Variants in ARHGAP26 observed in about 807,000 individuals in gnomAD.
The protein encoded by ARHGAP26 is rho GTPase-activating protein 26.
A neutral mutation model predicts 104.8 loss-of-function variants in ARHGAP26; 38 were observed. That is an observed-to-expected ratio of 0.36 (90% CI 0.28 to 0.48). The LOEUF (loss-of-function observed/expected upper bound fraction) is 0.48. Among genes scored for constraint, ARHGAP26 ranks in the 20% least tolerant of loss-of-function variants. The pLI is 0.99. For missense variants in ARHGAP26, 704 were observed against 947.9 expected, an observed-to-expected ratio of 0.74 and a Z score of 3.38; for synonymous variants, 341 against 340.0, an observed-to-expected ratio of 1.00 and a Z score of -0.03.
rs760283585 is a variant in ARHGAP26 at position 143,216,354 on chromosome 5, C to T, written c.2191+2266C>T. The T allele has an allele frequency of 4.1e-5, 19 of 465,632 alleles. No individual in the cohort carries two copies. The East Asian group carries it at 4.9e-4, about 12-fold the overall frequency. 28.8% of individuals were successfully genotyped at this position (465,632 alleles called of 1,614,324 possible). A position where few individuals can be genotyped will look rare whatever the true frequency, so the allele number is the denominator to read the frequency against. On this transcript the variant is annotated intron_variant, in intron 22 of 22. Transcript: ENST00000645722. ...AGCAGCGAGAGTGATCTTTGAAAAACGGAAATGGCATTAAAGCCCTTCAGT... is the reference window on the plus strand; with the variant it reads ...AGCAGCGAGAGTGATCTTTGAAAAATGGAAATGGCATTAAAGCCCTTCAGT...
chr5:142,789,489 A>G (rs1759353737), intron 1 of ARHGAP26, among the ~76,000 whole-genome samples: 1 of 152,212 alleles, frequency 6.6e-6, no homozygotes, highest in Non-Finnish European at 1.5e-5. Flanking sequence ...AAAAATCATT[A>G]TAAAAGCAAC....
chr5:142,782,515 C>T (rs1209413185), intron 1 of ARHGAP26, among the ~76,000 whole-genome samples: 1 of 152,136 alleles, frequency 6.6e-6, no homozygotes, highest in Non-Finnish European at 1.5e-5. Context: ...CCAGGTGATT[C>T]TAATGTGCAG....
intron 13 of ARHGAP26, among the ~76,000 whole-genome samples, chr5:143,039,508 A>G (rs1291238333): frequency 6.6e-6 from 1 of 150,444 alleles, no homozygotes; most frequent in African/African-American, 2.4e-5. Flanking sequence ...TGCACGGTCT[A>G]ACTTTCAACA....
chr5:142,857,468 A>G (rs531391601), intron 1 of ARHGAP26, among the ~76,000 whole-genome samples: 1 of 152,260 alleles, frequency 6.6e-6, no homozygotes, highest in South Asian at 2.1e-4. Context: ...CAGGTGCCCA[A>G]GAGAAGCTGT....
chr5:143,204,620 A>T (rs1483646809), intron 20 of ARHGAP26, among the ~76,000 whole-genome samples: 1 of 151,988 alleles, frequency 6.6e-6, no homozygotes, highest in Non-Finnish European at 1.5e-5. Context: ...TTCCAGCCGC[A>T]CCCCCAGATA....
At chr5:142,955,129 C>A (rs1769035858) in intron 11 of ARHGAP26, among the ~76,000 whole-genome samples, 1 of 151,552 alleles carries the variant, frequency 6.6e-6, no homozygotes, top group Admixed American at 6.6e-5. Context: ...CACACACCCC[C>A]CATCTCTGCA....
intron 1 of ARHGAP26, among the ~76,000 whole-genome samples, chr5:142,834,190 G>A (rs1022794413): frequency 3.3e-4 from 51 of 152,316 alleles, no homozygotes; most frequent in African/African-American, 1.1e-3. Flanking sequence ...ATCCAGAAAA[G>A]TACACAGCTC....
At position 143,054,559 on chromosome 5, in the gene ARHGAP26, A is replaced by G. The variant is rs776751008; in HGVS notation, c.1373+33A>G. ...CTTTCCATTTGCAAGGCAGAGTGCC[A>G]GCTAGTTATCATGCAATCAGGAAGA... On this transcript the variant is annotated intron_variant, in intron 15 of 22. Transcript: ENST00000645722. The G allele has an allele frequency of 2.6e-5, 38 of 1,475,730 alleles. No homozygotes were observed. The South Asian group carries it at 4.4e-4, about 17-fold the overall frequency. 91.4% of individuals were successfully genotyped at this position (1,475,730 alleles called of 1,614,324 possible). A position where few individuals can be genotyped will look rare whatever the true frequency, so the allele number is the denominator to read the frequency against.
At chr5:142,816,611 G>A (rs1765181463) in intron 1 of ARHGAP26, among the ~76,000 whole-genome samples, 1 of 152,258 alleles carries the variant, frequency 6.6e-6, no homozygotes, top group Admixed American at 6.5e-5. Context: ...AAAGAACTGT[G>A]TGAGCAAAGG....
chr5:142,829,448 C>G (rs563282509), intron 1 of ARHGAP26, among the ~76,000 whole-genome samples: 2 of 152,188 alleles, frequency 1.3e-5, no homozygotes, highest in Non-Finnish European at 2.9e-5. Context: ...CTTTTCCACC[C>G]AAATTAGCAA....
chr5:143,051,741 G>T (rs532221917), intron 14 of ARHGAP26, among the ~76,000 whole-genome samples: 2 of 152,152 alleles, frequency 1.3e-5, no homozygotes, highest in Admixed American at 6.5e-5. Flanking sequence ...CTAATGTTAC[G>T]CAATATTCCT....
chr5:143,150,524 T>A (rs1288412679), intron 20 of ARHGAP26, among the ~76,000 whole-genome samples: 1 of 152,096 alleles, frequency 6.6e-6, no homozygotes, highest in African/African-American at 2.4e-5. Context: ...ATGAAGAGCA[T>A]TCCAGGTAAG....
chr5:142,971,487 G>A (rs774805886), intron 11 of ARHGAP26, among the ~76,000 whole-genome samples: 1 of 152,120 alleles, frequency 6.6e-6, no homozygotes, highest in Non-Finnish European at 1.5e-5. Context: ...AGGCCCCAGG[G>A]TATCACTAAT....
intron 12 of ARHGAP26, among the ~76,000 whole-genome samples, 161 bp from the exon 13 acceptor site, chr5:143,037,035 C>CTAT (rs767447300): frequency 1.4e-4 from 21 of 151,932 alleles, no homozygotes; most frequent in African/African-American, 3.4e-4. Flanking sequence ...TCAATGCCAG[C>CTAT]TATTATTATT....
chr5:142,787,256 A>G (rs1288427813), intron 1 of ARHGAP26, among the ~76,000 whole-genome samples: 1 of 152,176 alleles, frequency 6.6e-6, no homozygotes, highest in African/African-American at 2.4e-5. Context: ...TTGGGGTGGG[A>G]GAGTGCCATT....
chr5:143,062,604 A>G (rs925335320), intron 17 of ARHGAP26, among the ~76,000 whole-genome samples: 1 of 145,452 alleles, frequency 6.9e-6, no homozygotes, highest in East Asian at 2.0e-4. Context: ...ATGTATTCAT[A>G]TTTCTTTAAT....
At chr5:143,158,091 T>G (rs1016742486) in intron 20 of ARHGAP26, among the ~76,000 whole-genome samples, 10 of 152,206 alleles carry the variant, frequency 6.6e-5, no homozygotes, top group African/African-American at 2.4e-4. Flanking sequence ...CTACTATTAT[T>G]TTTATTCCTT....
At chr5:143,103,217 A>C (rs1793508032) in intron 17 of ARHGAP26, 4 of 984,850 alleles carry the variant, frequency 4.1e-6, no homozygotes, top group Admixed American at 6.2e-5. Flanking sequence ...CTTAAAAGTC[A>C]CTGGATCAGT....
intron 1 of ARHGAP26, among the ~76,000 whole-genome samples, chr5:142,850,954 C>A (rs567513735): frequency 6.6e-6 from 1 of 152,238 alleles, no homozygotes; most frequent in South Asian, 2.1e-4. Flanking sequence ...GCAGTGTCAA[C>A]CAGGCCACAG....
Sources: gnomAD v4.1 joint callset for allele counts (sites outside exome capture counted in the v4.1 genomes callset) on GRCh38, gnomAD v4.1.1 for gene constraint, MANE v1.5 for transcripts, NCBI Gene and HGNC (gene_info 2026-07-23, HGNC 2026-07-21) for gene names.